The following MTCL1 variants were observed in gnomAD, a reference collection of about 807,000 sequenced individuals.
MTCL1 encodes the protein microtubule crosslinking factor 1, also known as microtubule cross-linking factor 1.
In MTCL1, 79 loss-of-function variants were observed where a neutral mutation model predicts 141.4. That is an observed-to-expected ratio of 0.56 (90% CI 0.47 to 0.67). MTCL1 has a LOEUF of 0.67. Ranked by LOEUF, MTCL1 falls within the 30% of genes least tolerant of loss-of-function variation. The pLI, the probability that MTCL1 is intolerant of heterozygous loss-of-function variation, is 0.00. For missense variants in MTCL1, 2,177 were observed against 2,113.9 expected (o/e 1.03, Z -0.59); for synonymous variants, 914 against 875.8 (o/e 1.04, Z -0.77).
At chr18:8,806,235 A>G (rs2076292666) in intron 10 of MTCL1, among the ~76,000 whole-genome samples, 1 of 152,198 alleles carries the variant, frequency 6.6e-6, no homozygotes, top group South Asian at 2.1e-4. Flanking sequence ...TAATTATTAA[A>G]CATCAAAATG....
At chr18:8,829,634 T>C (rs2077133289) in intron 16 of MTCL1, 1 of 985,334 alleles carries the variant, frequency 1.0e-6, no homozygotes, top group South Asian at 4.7e-5. Context: ...ATCAAGGATA[T>C]AGTCATCCAC....
chr18:8,705,853 T>G lies in MTCL1; in HGVS notation c.193T>G (p.Ser65Ala). 1.7e-6 allele frequency: 2 copies of G among 1,156,642 alleles called. No homozygotes were observed. Among genetic ancestry groups the G allele is most frequent in the Non-Finnish European group, 1.1e-6 (1 of 939,600 alleles). The allele number at this position is 1,156,642 out of a possible 1,614,324, so 71.6% of individuals were successfully genotyped here. Residue 65 changes from serine to alanine, a missense_variant, in exon 1 of 14, where the codon TCC becomes GCC. Coordinates refer to the MTCL1 transcript ENST00000306329. This position sits in a 1 kb window ranked among gnomAD's most constrained non-coding sequence, Gnocchi z 5.2. ...CGCCGCGCCCGGCCCGGCCGTCCCC[T>G]CCTCGGGCCGAGCCCCGGCTCCCGC... is the stretch of plus-strand genomic sequence containing the variant.
upstream of MTCL1, chr18:8,705,652 G>A (rs1357533432): frequency 1.1e-5 from 13 of 1,210,596 alleles, no homozygotes; most frequent in East Asian, 4.4e-4. This position sits in a 1 kb window ranked among gnomAD's most constrained non-coding sequence, Gnocchi z 5.2. Context: ...GCTGCCGGCG[G>A]ACCCGGCCAT....
At chr18:8,705,587 GCCGC>G, upstream of MTCL1, 1 of 966,988 alleles carries the variant, frequency 1.0e-6, no homozygotes, top group Non-Finnish European at 1.3e-6. The surrounding 1 kb of genome is among the most constrained non-coding windows in gnomAD (Gnocchi z 5.2). Context: ...GAGGCTGCAC[GCCGC>G]CGCCGCCGCC....
exon 13 of MTCL1, chr18:8,819,094 T>C (rs2076757254): frequency 1.9e-6 from 3 of 1,614,246 alleles, no homozygotes; most frequent in Non-Finnish European, 2.5e-6. Context: ...CTTGTGCAGA[T>C]GCTGACTCCA....
exon 11 of MTCL1, chr18:8,806,991 G>A: frequency 6.2e-7 from 1 of 1,613,880 alleles, no homozygotes; most frequent in Non-Finnish European, 8.5e-7. Context: ...TACGGCTGCA[G>A]CAGCAATATG....
intron 12 of MTCL1, among the ~76,000 whole-genome samples, chr18:8,816,925 C>T (rs1214706796): frequency 1.3e-5 from 2 of 152,170 alleles, no homozygotes; most frequent in African/African-American, 2.4e-5. Flanking sequence ...ATTACAACAC[C>T]CCAGAGGCAT....
At chr18:8,706,536 T>G in exon 1 of MTCL1, 1 of 1,368,100 alleles carries the variant, frequency 7.3e-7, no homozygotes, top group Non-Finnish European at 9.4e-7. Context: ...TTTCGGGGGG[T>G]TTCGCGGGGC....
intron 4 of MTCL1, among the ~76,000 whole-genome samples, chr18:8,737,956 T>C (rs2096282455): frequency 2.0e-5 from 3 of 152,270 alleles, no homozygotes; most frequent in African/African-American, 7.2e-5. Context: ...CTCGCCGGAG[T>C]GTGTTGGTCT....
chr18:8,752,053 A>G (rs894810233), intron 4 of MTCL1, among the ~76,000 whole-genome samples: 2 of 152,214 alleles, frequency 1.3e-5, no homozygotes, highest in Admixed American at 6.5e-5. Flanking sequence ...TGATAAATCT[A>G]TAAGGCTGAA....
chr18:8,734,794 C>G (rs189380516), intron 4 of MTCL1, among the ~76,000 whole-genome samples: 1 of 152,270 alleles, frequency 6.6e-6, no homozygotes, highest in Non-Finnish European at 1.5e-5. Context: ...TCCTGCTGCC[C>G]AAGCTACACC....
At position 8,822,053 on chromosome 18, in the gene MTCL1, TTTC is replaced by T. The variant is rs2076862801; in HGVS notation, c.3188+560_3188+562del. Among the ~76,000 whole-genome samples the T allele has an allele frequency of 6.6e-6, 1 of 152,350 alleles. No individual in the cohort carries two copies. Among genetic ancestry groups the T allele is most frequent in the Admixed American group, 6.5e-5 (1 of 15,306 alleles). On this transcript the variant is annotated intron_variant, in intron 14 of 16. Coordinates refer to ENST00000359865, the Ensembl canonical transcript of MTCL1. This position sits in a 1 kb window ranked among gnomAD's most constrained non-coding sequence, Gnocchi z 4.6. ...TACATACCGTTTCTACTACATGAAA[TTTC>T]TTCTCAGGCAATTCAGCATTTCCAG... is the stretch of plus-strand genomic sequence containing the variant.
intron 11 of MTCL1, chr18:8,809,710 C>A: frequency 7.8e-7 from 1 of 1,274,194 alleles, no homozygotes; most frequent in Non-Finnish European, 1.1e-6. Flanking sequence ...GCACGGCTGT[C>A]AGGTTTCTAG....
chr18:8,756,491 A>ATGTATATATGTG (rs1438132685), intron 4 of MTCL1, among the ~76,000 whole-genome samples: 3 of 142,428 alleles, frequency 2.1e-5, no homozygotes, highest in African/African-American at 9.0e-5. Flanking sequence ...GTGTGTATAT[A>ATGTATATATGTG]TGTATATATG....
At chr18:8,706,416 G>T in exon 1 of MTCL1, 1 of 1,227,530 alleles carries the variant, frequency 8.1e-7, no homozygotes, top group Non-Finnish European at 1.0e-6. Context: ...CGCCGACGCC[G>T]AGCCCCGCAG....
intron 10 of MTCL1, among the ~76,000 whole-genome samples, chr18:8,800,255 C>T (rs970202868): frequency 2.0e-5 from 3 of 152,180 alleles, no homozygotes; most frequent in African/African-American, 4.8e-5. Context: ...AGAGCCGGGC[C>T]GTTCCCGAAA....
chr18:8,715,087 C>T (rs1023559850), upstream of MTCL1, among the ~76,000 whole-genome samples: 4 of 152,328 alleles, frequency 2.6e-5, no homozygotes, highest in South Asian at 2.1e-4. Flanking sequence ...TGAGCCACCG[C>T]ACCCGGCCCC....
intron 4 of MTCL1, among the ~76,000 whole-genome samples, chr18:8,739,122 A>G (rs1379601686): frequency 6.6e-6 from 1 of 152,170 alleles, no homozygotes; most frequent in African/African-American, 2.4e-5. Context: ...ACATGTACCT[A>G]TAGTCTCAGC....
At chr18:8,760,911 A>G (rs1377995019) in intron 4 of MTCL1, among the ~76,000 whole-genome samples, 1 of 152,244 alleles carries the variant, frequency 6.6e-6, no homozygotes, top group Non-Finnish European at 1.5e-5. Context: ...TTATGAAGAA[A>G]CCATGCATGT....
Sources: gnomAD v4.1 joint callset for allele counts (sites outside exome capture counted in the v4.1 genomes callset) on GRCh38, gnomAD v4.1.1 for gene constraint, Gnocchi (gnomAD v3.1) non-coding constraint, MANE v1.5 for transcripts, NCBI Gene and HGNC (gene_info 2026-07-23, HGNC 2026-07-21) for gene names.